Variants in SH3RF3 observed in about 807,000 individuals in gnomAD.
SH3RF3 encodes the protein SH3 domain containing ring finger 3.
SH3RF3 carries 29 observed loss-of-function variants against 66.3 expected under a neutral mutation model. That is an observed-to-expected ratio of 0.44 (90% confidence interval 0.33 to 0.60). The LOEUF is 0.60. Among genes scored for constraint, SH3RF3 ranks in the 20% least tolerant of loss-of-function variants. The probability of loss-of-function intolerance (pLI) is 0.04; values close to 1 mark genes in which losing one functional copy is unlikely to be tolerated. For missense variants in SH3RF3, 1,194 were observed against 1,190.9 expected (o/e 1.00, Z -0.04); for synonymous variants, 583 against 532.0 (o/e 1.10, Z -1.32).
intron 1 of SH3RF3, among the ~76,000 whole-genome samples, chr2:109,312,004 T>A (rs6542814): frequency 0.31 from 47,433 of 152,038 alleles, 9,175 homozygotes; most frequent in African/African-American, 0.55. Flanking sequence ...CTGCTGGTGC[T>A]GTCCAGTTTT....
chr2:109,158,420 T>C (rs1051905818), intron 1 of SH3RF3, among the ~76,000 whole-genome samples: 1 of 152,128 alleles, frequency 6.6e-6, no homozygotes, highest in African/African-American at 2.4e-5. Context: ...TCGTGGGTCA[T>C]TGGGCACCAT....
At chr2:109,189,599 C>T (rs886558174) in intron 1 of SH3RF3, among the ~76,000 whole-genome samples, 2 of 152,076 alleles carry the variant, frequency 1.3e-5, no homozygotes, top group African/African-American at 4.8e-5. Context: ...GAACTCCTGA[C>T]CTCATGATCT....
chr2:109,471,724 C>G (rs896481518), intron 8 of SH3RF3, among the ~76,000 whole-genome samples: 1 of 152,226 alleles, frequency 6.6e-6, no homozygotes, highest in Admixed American at 6.5e-5. Context: ...CTTGCTGTCT[C>G]AGCCTCACAT....
intron 4 of SH3RF3, among the ~76,000 whole-genome samples, chr2:109,405,192 G>A (rs1676422645): frequency 6.6e-6 from 1 of 152,106 alleles, no homozygotes; most frequent in South Asian, 2.1e-4. Flanking sequence ...CTGGCTTCCT[G>A]GAGAGACGCC....
chr2:109,206,939 A>G (rs1225900367), intron 1 of SH3RF3, among the ~76,000 whole-genome samples: 1 of 152,194 alleles, frequency 6.6e-6, no homozygotes, highest in Non-Finnish European at 1.5e-5. Context: ...TCTCTGTGTC[A>G]TGTGTGGCTT....
chr2:109,202,510 G>T (rs1440008514), intron 1 of SH3RF3, among the ~76,000 whole-genome samples: 1 of 152,152 alleles, frequency 6.6e-6, no homozygotes, highest in Non-Finnish European at 1.5e-5. Flanking sequence ...CACATGTCTG[G>T]GTAGCTGGTG....
chr2:109,333,846 T>C (rs549450348), intron 1 of SH3RF3, among the ~76,000 whole-genome samples: 1 of 152,292 alleles, frequency 6.6e-6, no homozygotes, highest in East Asian at 1.9e-4. Flanking sequence ...TCCATTATAA[T>C]ATTAATAATT....
intron 2 of SH3RF3, among the ~76,000 whole-genome samples, chr2:109,356,931 G>A (rs1409844120): frequency 1.3e-5 from 2 of 152,112 alleles, no homozygotes; most frequent in Non-Finnish European, 2.9e-5. Flanking sequence ...GCCATGACTC[G>A]GTTCTGGACT....
chr2:109,418,594 T>G (rs891179586), intron 4 of SH3RF3, among the ~76,000 whole-genome samples: 13 of 152,074 alleles, frequency 8.5e-5, no homozygotes, highest in African/African-American at 3.1e-4. Flanking sequence ...GTAAGGATAC[T>G]CATCATTGGA....
chr2:109,344,213 C>G (rs1185000882), intron 1 of SH3RF3, among the ~76,000 whole-genome samples: 1 of 152,144 alleles, frequency 6.6e-6, no homozygotes, highest in African/African-American at 2.4e-5. Flanking sequence ...TCCTGGGGGC[C>G]TTAGTGGCGT....
chr2:109,307,209 T>C (rs1430305), intron 1 of SH3RF3, among the ~76,000 whole-genome samples: 47,244 of 152,120 alleles, frequency 0.31, 9,052 homozygotes, highest in African/African-American at 0.54. Context: ...CATTTGAAAA[T>C]TGAATATTCA....
chr2:109,260,780 C>T (rs545008723), intron 1 of SH3RF3, among the ~76,000 whole-genome samples: 168 of 152,266 alleles, frequency 1.1e-3, no homozygotes, highest in South Asian at 3.1e-3. Flanking sequence ...GTGACCCTAG[C>T]GTGTGTCTGA....
At chr2:109,485,257 C>T (rs1038979943) in intron 8 of SH3RF3, among the ~76,000 whole-genome samples, 3 of 152,224 alleles carry the variant, frequency 2.0e-5, no homozygotes, top group Admixed American at 1.3e-4. Flanking sequence ...AGCCACCTGT[C>T]TCCACATGGC....
chr2:109,367,179 G>C (rs1174631275), intron 2 of SH3RF3, among the ~76,000 whole-genome samples: 1 of 147,052 alleles, frequency 6.8e-6, no homozygotes, highest in Non-Finnish European at 1.5e-5. Context: ...GGCCAGACTG[G>C]TCTCGAACTC....
In SH3RF3 at chr2:109,209,138, G is replaced by A. The variant is rs139323779; in HGVS notation, c.573+79025G>A. On this transcript the variant is annotated intron_variant, in intron 1 of 9. Coordinates refer to ENST00000309415, the MANE Select transcript of SH3RF3 (RefSeq NM_001099289.3). ...TTTCTACTGTTGCCACTGGGAAGTG[G>A]GTCCAAACCCTCTGTGCTGTGGTCT... Among the ~76,000 whole-genome samples the A allele has an allele frequency of 1.9e-3, 288 of 152,294 alleles. 1 individual carries two copies. Among genetic ancestry groups the A allele is most frequent in the African/African-American group, 6.7e-3 (279 of 41,552 alleles).
chr2:109,297,537 A>G (rs1681344997), intron 1 of SH3RF3, among the ~76,000 whole-genome samples: 1 of 144,400 alleles, frequency 6.9e-6, no homozygotes, highest in African/African-American at 2.5e-5. Context: ...CACCCAGGCC[A>G]GTGCCCCCCA....
intron 8 of SH3RF3, among the ~76,000 whole-genome samples, chr2:109,469,968 C>T (rs1678459133): frequency 1.3e-5 from 2 of 152,150 alleles, no homozygotes; most frequent in African/African-American, 4.8e-5. Context: ...TAAGATGAAC[C>T]CATGAGCAGA....
chr2:109,242,968 C>T (rs184803081), intron 1 of SH3RF3, among the ~76,000 whole-genome samples: 12 of 152,326 alleles, frequency 7.9e-5, no homozygotes, highest in Admixed American at 7.2e-4. Flanking sequence ...GAGGCTGAGT[C>T]GGACTTCCGT....
At chr2:109,148,598 C>G (rs1677152444) in intron 1 of SH3RF3, among the ~76,000 whole-genome samples, 1 of 152,180 alleles carries the variant, frequency 6.6e-6, no homozygotes, top group South Asian at 2.1e-4. Context: ...CAGTAAAATA[C>G]TCGATTATGT....
Sources: gnomAD v4.1 joint callset for allele counts (sites outside exome capture counted in the v4.1 genomes callset) on GRCh38, gnomAD v4.1.1 for gene constraint, MANE v1.5 for transcripts, NCBI Gene and HGNC (gene_info 2026-07-23, HGNC 2026-07-21) for gene names.